The following RBM11 variants were observed in gnomAD, a reference collection of about 807,000 sequenced individuals.
The protein encoded by RBM11 is RNA binding motif protein 11.
In RBM11, 18 loss-of-function variants were observed where a neutral mutation model predicts 21.4. The ratio of observed to expected loss-of-function variants is 0.84; its 90% CI spans 0.58 to 1.25. The LOEUF (loss-of-function observed/expected upper bound fraction) is 1.25, where lower values mean the gene tolerates loss of function less well. RBM11 is among the 50% of genes most tolerant of loss of function. RBM11 has a pLI of 0.00. For missense variants in RBM11, 294 were observed against 331.9 expected, an observed-to-expected ratio of 0.89 and a Z score of 0.89; for synonymous variants, 120 against 116.3, an observed-to-expected ratio of 1.03 and a Z score of -0.20.
intron 2 of RBM11, 90 bp from the exon 3 acceptor site, chr21:14,221,007 C>G: frequency 2.3e-6 from 3 of 1,327,948 alleles, no homozygotes; most frequent in Non-Finnish European, 3.1e-6. Context: ...CTACTACGTC[C>G]TAAAATATTT....
chr21:14,221,922 T>A (rs1174242897), intron 3 of RBM11, among the ~76,000 whole-genome samples: 1 of 152,192 alleles, frequency 6.6e-6, no homozygotes, highest in Non-Finnish European at 1.5e-5. Context: ...CTCTGCTGTA[T>A]CAGCCTCCCC....
At chr21:14,218,991 A>G (rs1423916131) in intron 1 of RBM11, among the ~76,000 whole-genome samples, 1 of 152,160 alleles carries the variant, frequency 6.6e-6, no homozygotes, top group Non-Finnish European at 1.5e-5. Context: ...TCACACTTAT[A>G]AACAATGCAA....
rs1978481155 is a variant in RBM11, at chr21:14,219,572, C to A, written c.106C>A (p.Leu36Ile). 1 of 1,515,136 alleles carries A rather than the reference C, an allele frequency of 6.6e-7. No homozygotes were observed. 93.9% of individuals were successfully genotyped at this position (1,515,136 alleles called of 1,614,324 possible). A position where few individuals can be genotyped will look rare whatever the true frequency, so the allele number is the denominator to read the frequency against. The change falls in exon 2 of 5, where the codon CTA (leucine) becomes ATA (isoleucine). Residue 36 changes from leucine (L) to isoleucine (I), a missense_variant. Around this residue, in one of 2 missense-constraint regions of RBM11, gnomAD observed 181 missense variants for 164.6 expected, o/e 1.10. Transcript: ENST00000400577. ...LYELFLQAGP[L>I]TKVTICKDRE... ...TTTAAGTTTCTTATAGGCGGGGCCA[C>A]TAACCAAAGTGACTATATGCAAAGA...
At chr21:14,225,949 AATTTT>A (rs1301927624) in intron 4 of RBM11, among the ~76,000 whole-genome samples, 3 of 152,002 alleles carry the variant, frequency 2.0e-5, no homozygotes, top group Non-Finnish European at 4.4e-5. Context: ...TGAGTTTTAA[AATTTT>A]ATTTAATTTT....
At position 14,224,534 on chromosome 21, in the gene RBM11, G is replaced by A; in HGVS notation, c.429G>A (p.Lys143=). The change falls in exon 4 of 5, where the codon AAG becomes AAA. Residue 143 remains lysine (K), a synonymous_variant. Coordinates refer to ENST00000400577, the MANE Select transcript of RBM11 (RefSeq NM_144770.5). Reference sequence around the variant, plus strand: ...CTCAAGAATATTTTCTCTTTCAGAAGATGGTAAGTTTAATATGCATTTTAT... The same window carrying A: ...CTCAAGAATATTTTCTCTTTCAGAAAATGGTAAGTTTAATATGCATTTTAT... ...SLPQEYFLFQ[K]MQWHVYNPVL... 6.5e-7 allele frequency: 1 copy of A among 1,547,978 alleles called. No homozygotes were observed. Among genetic ancestry groups the A allele is most frequent in the Non-Finnish European group, 8.7e-7 (1 of 1,146,438 alleles).
At chr21:14,223,011 G>C (rs1324369557) in intron 3 of RBM11, among the ~76,000 whole-genome samples, 2 of 152,134 alleles carry the variant, frequency 1.3e-5, no homozygotes, top group Admixed American at 1.3e-4. Context: ...TTCCTCAGGA[G>C]TTAGGAAGGA....
intron 4 of RBM11, among the ~76,000 whole-genome samples, chr21:14,226,447 T>G (rs1268411355): frequency 6.6e-6 from 1 of 151,844 alleles, no homozygotes; most frequent in East Asian, 1.9e-4. Context: ...GGTGAAACGC[T>G]GTCTCTACTA....
intron 3 of RBM11, among the ~76,000 whole-genome samples, chr21:14,223,417 C>T (rs954382270): frequency 2.0e-5 from 3 of 152,060 alleles, no homozygotes; most frequent in African/African-American, 4.8e-5. Flanking sequence ...AACAAAGTAC[C>T]GCAAACAGAG....
chr21:14,219,164 AG>A (rs1462598591), intron 1 of RBM11, among the ~76,000 whole-genome samples: 2 of 152,202 alleles, frequency 1.3e-5, no homozygotes, highest in Non-Finnish European at 2.9e-5. Context: ...AGCTTTTTTG[AG>A]GATAACTCAA....
intron 2 of RBM11, 60 bp downstream of exon 2, chr21:14,219,785 TG>T: frequency 7.1e-7 from 1 of 1,400,086 alleles, no homozygotes; most frequent in Non-Finnish European, 9.5e-7. Flanking sequence ...TTCTCAGAGT[TG>T]TAAGCAATTT....
At chr21:14,216,985 G>A (rs938567699) in intron 1 of RBM11, among the ~76,000 whole-genome samples, 8 of 152,134 alleles carry the variant, frequency 5.3e-5, no homozygotes, top group Non-Finnish European at 8.8e-5. Flanking sequence ...CCGGAATTAC[G>A]GGGCAAATAC....
chr21:14,217,749 G>A (rs894075885), intron 1 of RBM11, among the ~76,000 whole-genome samples: 1 of 151,780 alleles, frequency 6.6e-6, no homozygotes, highest in African/African-American at 2.4e-5. Context: ...AACAAAAACC[G>A]AAAGAAATAT....
At chr21:14,220,713 T>C (rs1568897655) in intron 2 of RBM11, among the ~76,000 whole-genome samples, 1 of 152,144 alleles carries the variant, frequency 6.6e-6, no homozygotes, top group Admixed American at 6.5e-5. Flanking sequence ...ACATCATGTA[T>C]AAGATTGAAT....
At chr21:14,218,762 G>T (rs547691753) in intron 1 of RBM11, among the ~76,000 whole-genome samples, 18 of 152,220 alleles carry the variant, frequency 1.2e-4, no homozygotes, top group South Asian at 2.1e-4. Flanking sequence ...GTTTGTAAGT[G>T]CCTCCTCCAA....
chr21:14,227,363 A>G lies in RBM11; in HGVS notation c.*70A>G, dbSNP rs1284827148. 17 of 1,419,504 alleles carry G rather than the reference A, an allele frequency of 1.2e-5. No individual in the cohort carries two copies. The highest frequency in any genetic ancestry group is 1.6e-5 in the Non-Finnish European group (17 of 1,054,240). 87.9% of individuals were successfully genotyped at this position (1,419,504 alleles called of 1,614,324 possible). Reference sequence around the variant, plus strand: ...TATGAAAAAAATAAGATGTTATCCCATCAAATAAACAATGTCATGGCTATC... The same window carrying G: ...TATGAAAAAAATAAGATGTTATCCCGTCAAATAAACAATGTCATGGCTATC... On this transcript the variant is annotated 3_prime_UTR_variant, in exon 5 of 5. Transcript: ENST00000400577.
chr21:14,223,499 A>C (rs1978845055), intron 3 of RBM11, among the ~76,000 whole-genome samples: 1 of 152,172 alleles, frequency 6.6e-6, no homozygotes, highest in African/African-American at 2.4e-5. Context: ...TGTCAGCAGC[A>C]TTGTTTCTTT....
At chr21:14,226,787 A>T in intron 4 of RBM11, 93 bp from the exon 5 acceptor site, 1 of 1,489,276 alleles carries the variant, frequency 6.7e-7, no homozygotes, top group Non-Finnish European at 9.0e-7. Flanking sequence ...AGTTTAGTTT[A>T]CTCATGGCTA....
intron 1 of RBM11, among the ~76,000 whole-genome samples, chr21:14,218,743 GTTGT>G (rs1217853282): frequency 6.6e-6 from 1 of 152,136 alleles, no homozygotes; most frequent in African/African-American, 2.4e-5. Flanking sequence ...CATTAAATCA[GTTGT>G]TTGTGTTTGT....
chr21:14,222,977 C>T (rs1296610683), intron 3 of RBM11, among the ~76,000 whole-genome samples: 2 of 152,048 alleles, frequency 1.3e-5, no homozygotes, highest in East Asian at 3.9e-4. Context: ...TCTACTAGTA[C>T]CAAGTGGGAA....
Sources: gnomAD v4.1 joint callset for allele counts (sites outside exome capture counted in the v4.1 genomes callset) on GRCh38, gnomAD v4.1.1 for gene constraint, gnomAD v4.1.1 regional missense constraint, MANE v1.5 for transcripts, NCBI Gene and HGNC (gene_info 2026-07-23, HGNC 2026-07-21) for gene names.